Variants in RPA3 observed in about 807,000 individuals in gnomAD.
The protein encoded by RPA3 is replication protein A 14 kDa subunit.
Under a neutral mutation model 13.7 loss-of-function variants are expected in RPA3, and 24 were observed. The observed-to-expected ratio is 1.75, with a 90% CI of 1.27 to 2.46. The LOEUF (loss-of-function observed/expected upper bound fraction) is 2.46. Among genes scored for constraint, RPA3 ranks in the 30% most tolerant of loss-of-function variants. RPA3 has a pLI of 0.00. For synonymous variants in RPA3, 59 were observed against 51.2 expected, an observed-to-expected ratio of 1.15 and a Z score of -0.65; for missense variants, 183 against 151.0, an observed-to-expected ratio of 1.21 and a Z score of -1.11.
intron 7 of RPA3, 85 bp downstream of exon 7, chr7:7,637,779 T>A: frequency 1.8e-6 from 1 of 560,568 alleles, no homozygotes. Context: ...TATAAAACTG[T>A]ATGTTATGTA....
chr7:7,691,323 T>G (rs1780167156), intron 2 of RPA3, among the ~76,000 whole-genome samples: 1 of 152,240 alleles, frequency 6.6e-6, no homozygotes, highest in Non-Finnish European at 1.5e-5. Flanking sequence ...ATAACTGTTC[T>G]TTAGATATTT....
chr7:7,713,194 A>AT (rs1780810457), intron 2 of RPA3, among the ~76,000 whole-genome samples: 1 of 151,740 alleles, frequency 6.6e-6, no homozygotes, highest in Non-Finnish European at 1.5e-5. Context: ...AAAAAAAAAA[A>AT]TTAGCTGGGC....
intron 4 of RPA3, among the ~76,000 whole-genome samples, chr7:7,665,513 A>C (rs1359125472): frequency 6.6e-6 from 1 of 152,226 alleles, no homozygotes; most frequent in Admixed American, 6.5e-5. Flanking sequence ...TGTGTCAATA[A>C]ATTTTTAAAG....
intron 4 of RPA3, among the ~76,000 whole-genome samples, chr7:7,669,221 T>TC (rs1417595689): frequency 6.6e-6 from 1 of 152,038 alleles, no homozygotes; most frequent in Non-Finnish European, 1.5e-5. Context: ...TTGGAACATG[T>TC]CCCCCATGGA....
intron 4 of RPA3, 81 bp downstream of exon 4, chr7:7,685,749 A>T (rs1354328155): frequency 6.6e-6 from 1 of 152,182 alleles, no homozygotes; most frequent in Non-Finnish European, 1.5e-5. Flanking sequence ...CTTTTTAATA[A>T]ACTTTCACTC....
chr7:7,654,671 G>T (rs1007719425), intron 4 of RPA3, among the ~76,000 whole-genome samples: 1 of 152,144 alleles, frequency 6.6e-6, no homozygotes, highest in African/African-American at 2.4e-5. Flanking sequence ...GGGAGCACAA[G>T]GTGGGCTGAT....
intron 4 of RPA3, among the ~76,000 whole-genome samples, chr7:7,670,787 C>G (rs987701475): frequency 6.6e-6 from 1 of 152,212 alleles, no homozygotes; most frequent in Non-Finnish European, 1.5e-5. Flanking sequence ...AAACCACTCC[C>G]ATTTACAAAG....
chr7:7,696,502 A>G (rs561864235), intron 2 of RPA3, among the ~76,000 whole-genome samples: 1 of 152,284 alleles, frequency 6.6e-6, no homozygotes, highest in African/African-American at 2.4e-5. Context: ...TGTTATATGA[A>G]TTTAGTTAGT....
chr7:7,649,529 T>C (rs1785174957), intron 4 of RPA3, among the ~76,000 whole-genome samples: 3 of 152,250 alleles, frequency 2.0e-5, no homozygotes, highest in African/African-American at 7.2e-5. Context: ...ACAGCAGGAT[T>C]AATTTCCACG....
At chr7:7,673,725 C>A (rs1779671751) in intron 4 of RPA3, among the ~76,000 whole-genome samples, 1 of 145,652 alleles carries the variant, frequency 6.9e-6, no homozygotes. Flanking sequence ...TTTTTTTTAA[C>A]TGTGGAAAAT....
At chr7:7,704,101 G>T (rs1040615910) in intron 2 of RPA3, among the ~76,000 whole-genome samples, 4 of 152,174 alleles carry the variant, frequency 2.6e-5, no homozygotes, top group African/African-American at 9.7e-5. Context: ...GTGTGAGGCT[G>T]TGTTTTCTTT....
At chr7:7,638,236 G>C (rs28916308) in intron 6 of RPA3, 236 of 319,008 alleles carry the variant, frequency 7.4e-4, no homozygotes, top group African/African-American at 4.8e-3. Flanking sequence ...TATTGAAAAC[G>C]TCCAGCATTT....
chr7:7,701,441 C>T (rs1055599977), intron 2 of RPA3, among the ~76,000 whole-genome samples: 1 of 152,322 alleles, frequency 6.6e-6, no homozygotes, highest in Admixed American at 6.5e-5. Context: ...AACTGTCCTG[C>T]TCAACTTCAT....
intron 2 of RPA3, among the ~76,000 whole-genome samples, chr7:7,698,989 G>A (rs1780386384): frequency 6.6e-6 from 1 of 151,208 alleles, no homozygotes; most frequent in Non-Finnish European, 1.5e-5. Flanking sequence ...CAAGTATCTG[G>A]GACTACAGGA....
intron 4 of RPA3, among the ~76,000 whole-genome samples, chr7:7,649,777 A>G (rs1346669253): frequency 6.6e-6 from 1 of 151,962 alleles, no homozygotes; most frequent in Non-Finnish European, 1.5e-5. Context: ...TGAAATCCTA[A>G]CCCCTAAGGT....
At chr7:7,687,142 C>G (rs1780058762) in intron 3 of RPA3, 86 bp downstream of exon 3, 2 of 152,188 alleles carry the variant, frequency 1.3e-5, no homozygotes, top group South Asian at 4.1e-4. Context: ...CTAAGTAATA[C>G]AGGTACTGAA....
At chr7:7,648,910 G>C (rs938754390) in intron 4 of RPA3, among the ~76,000 whole-genome samples, 1 of 151,904 alleles carries the variant, frequency 6.6e-6, no homozygotes, top group African/African-American at 2.4e-5. Context: ...TGTAATCCCA[G>C]CACTTTGGGA....
At chr7:7,661,877 G>A (rs1455127488) in intron 4 of RPA3, among the ~76,000 whole-genome samples, 1 of 152,150 alleles carries the variant, frequency 6.6e-6, no homozygotes, top group Non-Finnish European at 1.5e-5. Flanking sequence ...GGCAGGCAGG[G>A]ACGTTTAATT....
rs1355383151 is a variant in RPA3 at position 7,716,080 on chromosome 7, AATT to A, written c.-1079-857_-1079-855del. On this transcript the variant is annotated intron_variant, in intron 1 of 7. Coordinates refer to ENST00000223129, the MANE Select transcript of RPA3 (RefSeq NM_002947.5). Reference sequence around the variant, plus strand: ...CAGTTAAAATTTTTTTTGAAAATGAAATTATGGATGCAGAAAGCAAACAAGCTG... The same window carrying A: ...CAGTTAAAATTTTTTTTGAAAATGAAATGGATGCAGAAAGCAAACAAGCTG... Among the ~76,000 whole-genome samples the A allele has an allele frequency of 3.9e-5, 6 of 152,296 alleles. No individual in the cohort carries two copies. In the East Asian group the frequency reaches 7.7e-4, roughly 20 times the overall value.
Sources: gnomAD v4.1 joint callset for allele counts (sites outside exome capture counted in the v4.1 genomes callset) on GRCh38, gnomAD v4.1.1 for gene constraint, MANE v1.5 for transcripts, NCBI Gene and HGNC (gene_info 2026-07-23, HGNC 2026-07-21) for gene names.